The following DHRS7B variants were observed in gnomAD, a reference collection of about 807,000 sequenced individuals.
The protein encoded by DHRS7B is dehydrogenase/reductase 7B.
A neutral mutation model predicts 26.4 loss-of-function variants in DHRS7B; 24 were observed. The ratio of observed to expected loss-of-function variants is 0.91; its 90% CI spans 0.66 to 1.28. The LOEUF is 1.28. Among genes scored for constraint, DHRS7B ranks in the 50% most tolerant of loss-of-function variants. DHRS7B has a pLI of 0.00. For missense variants in DHRS7B, 368 were observed against 419.4 expected (o/e 0.88, Z 1.07); for synonymous variants, 142 against 166.4 (o/e 0.85, Z 1.13).
chr17:21,157,670 G>A (rs1261122347), intron 1 of DHRS7B, among the ~76,000 whole-genome samples: 1 of 152,148 alleles, frequency 6.6e-6, no homozygotes, highest in African/African-American at 2.4e-5. Flanking sequence ...CTCCAGTGTG[G>A]GCAAGAAAGT....
At chr17:21,143,204 G>C (rs534175378) in intron 1 of DHRS7B, among the ~76,000 whole-genome samples, 1 of 152,304 alleles carries the variant, frequency 6.6e-6, no homozygotes, top group Non-Finnish European at 1.5e-5. Context: ...TGGGATTACA[G>C]GTGTGAGCCA....
At chr17:21,150,678 G>C (rs1460718357) in intron 1 of DHRS7B, among the ~76,000 whole-genome samples, 2 of 152,168 alleles carry the variant, frequency 1.3e-5, no homozygotes, top group African/African-American at 2.4e-5. Flanking sequence ...AGGAGTCTGT[G>C]ACAGACATGC....
At chr17:21,143,951 CAGAG>C (rs1381499400) in intron 1 of DHRS7B, among the ~76,000 whole-genome samples, 12 of 152,228 alleles carry the variant, frequency 7.9e-5, no homozygotes, top group Admixed American at 7.9e-4. Context: ...GCACAGGAAA[CAGAG>C]AGATGAATCA....
chr17:21,156,946 G>C (rs1973896060), intron 1 of DHRS7B, among the ~76,000 whole-genome samples: 1 of 150,344 alleles, frequency 6.7e-6, no homozygotes, highest in Non-Finnish European at 1.5e-5. Flanking sequence ...GAATAACTCT[G>C]TGCCCATTTC....
chr17:21,165,657 C>G (rs148966148), intron 1 of DHRS7B, among the ~76,000 whole-genome samples: 1 of 152,020 alleles, frequency 6.6e-6, no homozygotes, highest in South Asian at 2.1e-4. Context: ...TAAGGCCGGA[C>G]GTGGTGGCTC....
intron 2 of DHRS7B, among the ~76,000 whole-genome samples, chr17:21,173,916 C>T (rs1974316225): frequency 6.6e-6 from 1 of 152,194 alleles, no homozygotes. Flanking sequence ...ATGCTGTCAT[C>T]TTCATTCTGC....
chr17:21,149,478 TGTG>T (rs900660644), intron 1 of DHRS7B, among the ~76,000 whole-genome samples: 2 of 152,290 alleles, frequency 1.3e-5, no homozygotes, highest in African/African-American at 2.4e-5. Flanking sequence ...ATACTGTAAT[TGTG>T]GTGTTCAATT....
intron 1 of DHRS7B, among the ~76,000 whole-genome samples, chr17:21,138,417 G>A (rs1244714429): frequency 6.7e-6 from 1 of 149,924 alleles, no homozygotes. Flanking sequence ...TAGAGATGGG[G>A]TTTCGCCATG....
chr17:21,141,619 C>CA lies in DHRS7B; in HGVS notation c.20+14649dup, dbSNP rs71357469. ...AGACTGGTTTCTACCAGCAAGAAAGCAAAAAAAAAAAAAAAAAAAAACAAC... is the reference window on the plus strand; with the variant it reads ...AGACTGGTTTCTACCAGCAAGAAAGCAAAAAAAAAAAAAAAAAAAAAACAAC... On this transcript the variant is annotated intron_variant, in intron 1 of 6. Transcript: ENST00000395511. Among the ~76,000 whole-genome samples the CA allele has an allele frequency of 9.3e-3, 133 of 14,354 alleles. 3 individuals are homozygous for CA. The highest frequency in any genetic ancestry group is 0.021 in the East Asian group (12 of 560). The allele number at this position is 14,354 out of a possible 152,430, so 9.4% of individuals were successfully genotyped here. A position where few individuals can be genotyped will look rare whatever the true frequency, so the allele number is the denominator to read the frequency against.
Position 21,127,186 on chromosome 17 carries a change from G to A in DHRS7B, c.20+195G>A, listed in dbSNP as rs542860611. ...GCCCAGGCGCTGGGACCAGAGCCCTGGCTCCGGCGAGTGCGTGGCGGGGAA... is the reference window on the plus strand; with the variant it reads ...GCCCAGGCGCTGGGACCAGAGCCCTAGCTCCGGCGAGTGCGTGGCGGGGAA... On this transcript the variant is annotated intron_variant, in intron 1 of 6. Coordinates refer to ENST00000395511, the MANE Select transcript of DHRS7B (RefSeq NM_015510.5). 15 of 553,696 alleles carry A rather than the reference G, an allele frequency of 2.7e-5. No homozygotes were observed. The Admixed American group carries it at 5.1e-4, about 19-fold the overall frequency. The allele number at this position is 553,696 out of a possible 1,614,324, so 34.3% of individuals were successfully genotyped here.
At chr17:21,142,870 T>C (rs994959966) in intron 1 of DHRS7B, among the ~76,000 whole-genome samples, 2 of 152,200 alleles carry the variant, frequency 1.3e-5, no homozygotes, top group Non-Finnish European at 2.9e-5. Context: ...AGTTCCTAGC[T>C]TGAAGGAGCC....
intron 1 of DHRS7B, among the ~76,000 whole-genome samples, chr17:21,132,344 A>AT (rs1555535727): frequency 2.5e-4 from 34 of 134,452 alleles, no homozygotes; most frequent in African/African-American, 3.7e-4. Context: ...CTTAAAAAAA[A>AT]AAAAATATAT....
At position 21,183,720 on chromosome 17, in the gene DHRS7B, A is replaced by G. The variant is rs745767249; in HGVS notation, c.436A>G (p.Ser146Gly). The change falls in exon 4 of 7, where the codon AGC becomes GGC. Residue 146 changes from serine (S) to glycine (G), a missense_variant. Physicochemically the swap from Ser to Gly is moderately conservative, Grantham distance 56. Coordinates refer to ENST00000395511, the MANE Select transcript of DHRS7B (RefSeq NM_015510.5). ...CATACTTGTCAACAATGCTGGGATC[A>G]GCTACCGTGGTACCATCATGGACAC... is the stretch of plus-strand genomic sequence containing the variant. ...VDILVNNAGI[S>G]YRGTIMDTTV... is the part of the protein sequence containing the mutation. The G allele has an allele frequency of 6.2e-7, 1 of 1,614,266 alleles. No homozygotes were observed. The highest frequency in any genetic ancestry group is 8.5e-7 in the Non-Finnish European group (1 of 1,180,050).
chr17:21,134,223 C>T (rs933677393), intron 1 of DHRS7B, among the ~76,000 whole-genome samples: 11 of 152,172 alleles, frequency 7.2e-5, no homozygotes, highest in East Asian at 3.8e-4. Context: ...AGACAAGTCA[C>T]GCTAGGACTG....
intron 1 of DHRS7B, among the ~76,000 whole-genome samples, chr17:21,130,615 G>A (rs1973208831): frequency 6.6e-6 from 1 of 152,030 alleles, no homozygotes; most frequent in African/African-American, 2.4e-5. Context: ...AAGAAATGCT[G>A]TGAGGAAAAG....
At chr17:21,143,086 G>A (rs1396168785) in intron 1 of DHRS7B, among the ~76,000 whole-genome samples, 1 of 152,082 alleles carries the variant, frequency 6.6e-6, no homozygotes, top group Non-Finnish European at 1.5e-5. Context: ...CTGCCACCAC[G>A]CCCAGCTAAT....
chr17:21,171,696 G>A (rs1199563576), intron 1 of DHRS7B: 6 of 451,670 alleles, frequency 1.3e-5, no homozygotes, highest in Non-Finnish European at 2.5e-5. Context: ...GGAGAGGCAG[G>A]TGAGTACTGA....
intron 1 of DHRS7B, among the ~76,000 whole-genome samples, chr17:21,138,101 T>TATATATAC (rs1555536219): frequency 1.2e-5 from 1 of 86,146 alleles, no homozygotes; most frequent in Admixed American, 1.4e-4. Context: ...TATATATATA[T>TATATATAC]ACACACACAC....
intron 3 of DHRS7B, among the ~76,000 whole-genome samples, chr17:21,179,941 T>G (rs1028441975): frequency 3.3e-5 from 5 of 150,146 alleles, no homozygotes; most frequent in Non-Finnish European, 7.4e-5. Flanking sequence ...TAATTTTGTA[T>G]TTTTAGTAGA....
Sources: allele counts gnomAD v4.1 joint callset (sites outside exome capture counted in the v4.1 genomes callset), GRCh38; gene constraint gnomAD v4.1.1; transcripts MANE v1.5; gene names NCBI Gene and HGNC (gene_info 2026-07-23, HGNC 2026-07-21).